Variants in CNTNAP2 observed in about 807,000 individuals in gnomAD.
CNTNAP2 encodes contactin associated protein 2, also known as contactin-associated protein-like 2.
Under a neutral mutation model 155.2 loss-of-function variants are expected in CNTNAP2, and 98 were observed. That is an observed-to-expected ratio of 0.63 (90% CI 0.54 to 0.75). The LOEUF (loss-of-function observed/expected upper bound fraction) is 0.75, where lower values mean the gene tolerates loss of function less well. Among genes scored for constraint, CNTNAP2 ranks in the 30% least tolerant of loss-of-function variants. The probability of loss-of-function intolerance (pLI) is 0.00; values close to 1 mark genes in which losing one functional copy is unlikely to be tolerated. For missense variants in CNTNAP2, 1,727 were observed against 1,688.1 expected (o/e 1.02, Z -0.40); for synonymous variants, 651 against 631.2 (o/e 1.03, Z -0.47).
intron 1 of CNTNAP2, among the ~76,000 whole-genome samples, chr7:146,433,659 G>A (rs1796202851): frequency 2.0e-5 from 3 of 152,094 alleles, no homozygotes; most frequent in African/African-American, 7.2e-5. Context: ...CATGAGTTCA[G>A]AAAAGATTGC....
intron 13 of CNTNAP2, among the ~76,000 whole-genome samples, chr7:147,765,882 A>C (rs147984227): frequency 6.6e-6 from 1 of 152,222 alleles, no homozygotes; most frequent in Non-Finnish European, 1.5e-5. Flanking sequence ...AATACTACCC[A>C]GCCAAAAAAG....
chr7:147,809,199 G>T (rs1365187364), intron 13 of CNTNAP2, among the ~76,000 whole-genome samples: 2 of 152,122 alleles, frequency 1.3e-5, no homozygotes, highest in Non-Finnish European at 2.9e-5. Context: ...GATCTGACAT[G>T]GCATATTTCA....
At chr7:147,633,430 CA>C (rs1292170775) in intron 12 of CNTNAP2, among the ~76,000 whole-genome samples, 1 of 152,156 alleles carries the variant, frequency 6.6e-6, no homozygotes, top group Non-Finnish European at 1.5e-5. Context: ...AGCCCCCACA[CA>C]AGACTTTGGA....
chr7:147,556,867 A>C (rs1429673916), intron 11 of CNTNAP2, among the ~76,000 whole-genome samples: 1 of 152,208 alleles, frequency 6.6e-6, no homozygotes, highest in South Asian at 2.1e-4. Flanking sequence ...TAGAGCAGCA[A>C]GAGGAAACTC....
At chr7:147,210,872 T>A (rs1803131494) in intron 8 of CNTNAP2, among the ~76,000 whole-genome samples, 2 of 152,058 alleles carry the variant, frequency 1.3e-5, no homozygotes, top group South Asian at 4.1e-4. Context: ...TTCCATGTAA[T>A]CATGTAGTTT....
At chr7:147,108,038 C>G (rs1275908060) in intron 4 of CNTNAP2, 109 bp from the exon 5 acceptor site, 2 of 986,146 alleles carry the variant, frequency 2.0e-6, no homozygotes, top group Non-Finnish European at 3.1e-6. Context: ...CTGTCAATTT[C>G]TCAAGAAAAA....
intron 3 of CNTNAP2, among the ~76,000 whole-genome samples, chr7:146,935,621 G>T (rs535083445): frequency 1.3e-5 from 2 of 152,144 alleles, no homozygotes. Context: ...TACTTTAAAG[G>T]CTATAATTAC....
At chr7:146,853,390 T>A (rs1301342652) in intron 3 of CNTNAP2, among the ~76,000 whole-genome samples, 1 of 152,184 alleles carries the variant, frequency 6.6e-6, no homozygotes, top group African/African-American at 2.4e-5. Flanking sequence ...CACAGGCACA[T>A]GTACACACAC....
chr7:146,119,776 T>G (rs1453649189), intron 1 of CNTNAP2, among the ~76,000 whole-genome samples: 16 of 152,124 alleles, frequency 1.1e-4, no homozygotes, highest in Admixed American at 1.0e-3. Flanking sequence ...TAACCTATAA[T>G]TTCATTGACC....
chr7:146,457,866 A>G (rs575133888), intron 1 of CNTNAP2, among the ~76,000 whole-genome samples: 20 of 152,258 alleles, frequency 1.3e-4, no homozygotes, highest in African/African-American at 3.6e-4. Context: ...CTCAAGGCAC[A>G]TGAGAAAATA....
chr7:146,172,590 C>T (rs1798411540), intron 1 of CNTNAP2, among the ~76,000 whole-genome samples: 1 of 152,002 alleles, frequency 6.6e-6, no homozygotes, highest in African/African-American at 2.4e-5. Context: ...GATTGAGGGG[C>T]ATTGCCTTTG....
At chr7:146,943,214 G>A (rs1797091473) in intron 3 of CNTNAP2, among the ~76,000 whole-genome samples, 1 of 152,142 alleles carries the variant, frequency 6.6e-6, no homozygotes, top group South Asian at 2.1e-4. Context: ...TAAAGAGAAA[G>A]GAAAATGGTA....
At chr7:146,221,706 G>A (rs1210175480) in intron 1 of CNTNAP2, among the ~76,000 whole-genome samples, 2 of 152,304 alleles carry the variant, frequency 1.3e-5, no homozygotes, top group Non-Finnish European at 2.9e-5. Context: ...ACCTAATAGA[G>A]AATTCTGTTG....
chr7:148,282,793 G>A (rs1796996403), intron 21 of CNTNAP2, among the ~76,000 whole-genome samples: 1 of 151,966 alleles, frequency 6.6e-6, no homozygotes, highest in Admixed American at 6.6e-5. Flanking sequence ...TGAGAGATCA[G>A]AAGTTCTGTT....
chr7:148,279,879 T>A (rs566096908), intron 21 of CNTNAP2, among the ~76,000 whole-genome samples: 2 of 152,122 alleles, frequency 1.3e-5, no homozygotes, highest in Non-Finnish European at 2.9e-5. Context: ...TCCCAAAAGG[T>A]TACATACCCA....
chr7:147,485,512 A>G (rs1195718633), intron 10 of CNTNAP2, among the ~76,000 whole-genome samples: 4 of 152,210 alleles, frequency 2.6e-5, no homozygotes, highest in Admixed American at 2.0e-4. Context: ...TCAAATTGCT[A>G]TGAAAAACTT....
chr7:146,415,641 C>T (rs1254649613), intron 1 of CNTNAP2, among the ~76,000 whole-genome samples: 6 of 151,654 alleles, frequency 4.0e-5, no homozygotes, highest in Admixed American at 6.6e-5. Context: ...AATTAAGACA[C>T]TCCACTTTTG....
chr7:147,401,898 T>G (rs781503802), intron 10 of CNTNAP2, among the ~76,000 whole-genome samples: 1 of 152,166 alleles, frequency 6.6e-6, no homozygotes, highest in African/African-American at 2.4e-5. Context: ...CTTTATAAAT[T>G]ATCCAGTCTC....
intron 3 of CNTNAP2, among the ~76,000 whole-genome samples, chr7:146,901,658 A>G (rs1796003519): frequency 6.6e-6 from 1 of 152,198 alleles, no homozygotes; most frequent in Non-Finnish European, 1.5e-5. Flanking sequence ...ATTAAAATCC[A>G]AAGGAAATAT....
Sources: allele counts gnomAD v4.1 joint callset (sites outside exome capture counted in the v4.1 genomes callset), GRCh38; gene constraint gnomAD v4.1.1; transcripts MANE v1.5; gene names NCBI Gene and HGNC (gene_info 2026-07-23, HGNC 2026-07-21).